RCBTB2: variants seen among roughly 807,000 people sequenced by gnomAD.
The protein encoded by RCBTB2 is RCC1 and BTB domain-containing protein 2.
Under a neutral mutation model 65.4 loss-of-function variants are expected in RCBTB2, and 55 were observed. The ratio of observed to expected loss-of-function variants is 0.84; its 90% CI spans 0.68 to 1.05. The LOEUF is 1.05. Among genes scored for constraint, RCBTB2 ranks in the 50% least tolerant of loss-of-function variants. RCBTB2 has a pLI of 0.00. For synonymous variants in RCBTB2, 220 were observed against 255.2 expected, an observed-to-expected ratio of 0.86 and a Z score of 1.31; for missense variants, 599 against 680.1, an observed-to-expected ratio of 0.88 and a Z score of 1.33.
intron 1 of RCBTB2, among the ~76,000 whole-genome samples, chr13:48,528,852 A>C (rs1008285181): frequency 6.6e-6 from 1 of 152,204 alleles, no homozygotes; most frequent in African/African-American, 2.4e-5. Flanking sequence ...GGACAAAACT[A>C]AAACACTAAA....
intron 6 of RCBTB2, 42 bp downstream of exon 6, chr13:48,515,163 C>A: frequency 2.5e-6 from 4 of 1,582,524 alleles, no homozygotes; most frequent in Non-Finnish European, 3.4e-6. Context: ...TCAAGGGCAG[C>A]TGCGAATAAA....
At chr13:48,527,326 T>TATC (rs1455761556) in intron 1 of RCBTB2, among the ~76,000 whole-genome samples, 2 of 132,134 alleles carry the variant, frequency 1.5e-5, no homozygotes, top group African/African-American at 7.2e-5. Flanking sequence ...GGCTCATATA[T>TATC]ATATATATAT....
chr13:48,533,164 C>T (rs1399639089), upstream of RCBTB2: 24 of 376,590 alleles, frequency 6.4e-5, no homozygotes, highest in African/African-American at 4.4e-4. Flanking sequence ...GGGTGCCCGG[C>T]CGAGACGGAA....
Position 48,496,324 on chromosome 13 carries a change from G to C in RCBTB2, c.1385-3C>G. 6.5e-7 allele frequency: 1 copy of C among 1,550,060 alleles called. No individual in the cohort carries two copies. Among genetic ancestry groups the C allele is most frequent in the Non-Finnish European group, 8.7e-7 (1 of 1,148,382 alleles). Reference sequence around the variant, plus strand: ...AAATGTAGCCAAGTCTAGCAGTCCTGGCGGAAAGAGGTGTTTATTAGGGGG... The same window carrying C: ...AAATGTAGCCAAGTCTAGCAGTCCTCGCGGAAAGAGGTGTTTATTAGGGGG... On this transcript the variant is annotated splice_region_variant and splice_polypyrimidine_tract_variant and intron_variant, in intron 13 of 14. Coordinates refer to ENST00000344532, the MANE Select transcript of RCBTB2 (RefSeq NM_001268.4).
At chr13:48,534,243 T>G (rs1952321345), upstream of RCBTB2, among the ~76,000 whole-genome samples, 1 of 152,182 alleles carries the variant, frequency 6.6e-6, no homozygotes, top group African/African-American at 2.4e-5. Flanking sequence ...GTTTCTCCAC[T>G]GGTTACATCT....
intron 11 of RCBTB2, among the ~76,000 whole-genome samples, chr13:48,502,251 G>C (rs943569775): frequency 6.6e-6 from 1 of 152,194 alleles, no homozygotes; most frequent in South Asian, 2.1e-4. Flanking sequence ...CACTTTGGCA[G>C]GGGCAGAGAC....
chr13:48,490,670 G>C (rs1383840957), intron 14 of RCBTB2, among the ~76,000 whole-genome samples: 1 of 152,190 alleles, frequency 6.6e-6, no homozygotes, highest in Non-Finnish European at 1.5e-5. Context: ...ATAAAGAGTT[G>C]ATGGAAGAAA....
At chr13:48,533,710 A>T (rs1952304339), upstream of RCBTB2, among the ~76,000 whole-genome samples, 1 of 152,230 alleles carries the variant, frequency 6.6e-6, no homozygotes. Flanking sequence ...AATTTATTAT[A>T]TTACACTGCA....
intron 4 of RCBTB2, among the ~76,000 whole-genome samples, chr13:48,521,245 G>C (rs1203267832): frequency 1.3e-5 from 2 of 152,108 alleles, no homozygotes; most frequent in African/African-American, 2.4e-5. Context: ...CAAAAGCTTT[G>C]CCATCTTTGT....
rs763725636 is a variant in RCBTB2 at position 48,515,312 on chromosome 13, C to T, written c.242G>A (p.Gly81Asp). 6.2e-7 allele frequency: 1 copy of T among 1,614,120 alleles called. No homozygotes were observed. The highest frequency in any genetic ancestry group is 8.5e-7 in the Non-Finnish European group (1 of 1,180,022). ...GTNCCGCLGL[G>D]DVQSTIEPRR... ...AGGTTCAATGGTGCTCTGGACGTCA[C>T]CTAACCCCAAACAGCCACAGCAGTT... The change falls in exon 6 of 15, where the codon GGT (glycine) becomes GAT (aspartate). Residue 81 changes from glycine (G) to aspartate (D), a missense_variant. By Grantham distance (94) the Gly-to-Asp change is moderately conservative (BLOSUM62 -1). Transcript: ENST00000344532.
intron 10 of RCBTB2, among the ~76,000 whole-genome samples, chr13:48,504,855 C>T (rs756620990): frequency 2.0e-5 from 3 of 152,122 alleles, no homozygotes; most frequent in Admixed American, 6.5e-5. Context: ...ATCACAGAAC[C>T]TGGAGCTTGT....
intron 4 of RCBTB2, among the ~76,000 whole-genome samples, chr13:48,519,359 T>C (rs1951286989): frequency 6.6e-6 from 1 of 151,890 alleles, no homozygotes; most frequent in South Asian, 2.1e-4. Flanking sequence ...GCAAGCAGAG[T>C]TTTATATTTC....
intron 12 of RCBTB2, 30 bp from the exon 13 acceptor site, chr13:48,499,790 T>C: frequency 1.2e-6 from 2 of 1,613,276 alleles, no homozygotes; most frequent in South Asian, 2.2e-5. Flanking sequence ...TGTCAGGTCC[T>C]AGCTTCCCAG....
intron 1 of RCBTB2, among the ~76,000 whole-genome samples, chr13:48,525,048 T>C (rs977298769): frequency 1.3e-5 from 2 of 151,976 alleles, no homozygotes; most frequent in African/African-American, 2.4e-5. Context: ...ATTTAATCTA[T>C]AGTATTTCCA....
At chr13:48,531,730 C>T (rs763648170) in intron 1 of RCBTB2, among the ~76,000 whole-genome samples, 1 of 152,342 alleles carries the variant, frequency 6.6e-6, no homozygotes, top group Non-Finnish European at 1.5e-5. Context: ...AAAGAGATTA[C>T]GTTTCACCTA....
chr13:48,503,467 G>GC (rs201503910), intron 10 of RCBTB2, among the ~76,000 whole-genome samples: 1,893 of 152,090 alleles, frequency 0.012, 37 homozygotes, highest in African/African-American at 0.043. Context: ...GCCCAGGAGA[G>GC]CAGTTTCCTA....
At chr13:48,511,601 G>C (rs560682110) in intron 9 of RCBTB2, among the ~76,000 whole-genome samples, 169 bp downstream of exon 9, 9 of 152,292 alleles carry the variant, frequency 5.9e-5, no homozygotes, top group Admixed American at 1.3e-4. Flanking sequence ...GAAATTTTCT[G>C]AACAGCTGCA....
rs1258432173 is a variant in RCBTB2, at chr13:48,512,274, G to A, written c.517-100C>T. On this transcript the variant is annotated intron_variant, in intron 7 of 14. Transcript: ENST00000344532. ...GTGGCACCGAGTCTTTCCTCTCAAA[G>A]TGCTTCACATTCATAAATCCTCACA... The A allele has an allele frequency of 2.8e-5, 28 of 999,034 alleles. No homozygotes were observed. The East Asian group carries it at 5.7e-4, about 20-fold the overall frequency. 61.9% of individuals were successfully genotyped at this position (999,034 alleles called of 1,614,324 possible).
At chr13:48,533,131 C>A, upstream of RCBTB2, 1 of 413,440 alleles carries the variant, frequency 2.4e-6, no homozygotes, top group Non-Finnish European at 4.9e-6. Context: ...CCTGAAACGG[C>A]CCGGCCTCGG....
Sources: gnomAD v4.1 joint callset for allele counts (sites outside exome capture counted in the v4.1 genomes callset) on GRCh38, gnomAD v4.1.1 for gene constraint, MANE v1.5 for transcripts, NCBI Gene and HGNC (gene_info 2026-07-23, HGNC 2026-07-21) for gene names.